MAN2A1: variants seen among roughly 807,000 people sequenced by gnomAD.
MAN2A1 encodes alpha-mannosidase 2.
MAN2A1 carries 76 observed loss-of-function variants against 142.6 expected under a neutral mutation model. The ratio of observed to expected loss-of-function variants is 0.53; its 90% CI spans 0.44 to 0.65. The LOEUF is 0.65. MAN2A1 is among the 30% of genes least tolerant of loss of function. The pLI, the probability that MAN2A1 is intolerant of heterozygous loss-of-function variation, is 0.00. For synonymous variants in MAN2A1, 559 were observed against 473.2 expected (o/e 1.18, Z -2.35); for missense variants, 1,311 against 1,365.1 (o/e 0.96, Z 0.62).
Position 109,730,502 on chromosome 5 carries a change from A to G in MAN2A1, c.707+989A>G, listed in dbSNP as rs112141116. On this transcript the variant is annotated intron_variant, in intron 4 of 21. Transcript: ENST00000261483. Reference sequence around the variant, plus strand: ...TTTCTCCAATCTAGAGGTCAAATAAATAGTGCTTTTTTTCTTCCTAATTTC... The same window carrying G: ...TTTCTCCAATCTAGAGGTCAAATAAGTAGTGCTTTTTTTCTTCCTAATTTC... 9.9e-5 allele frequency among the ~76,000 whole-genome samples: 15 copies of G among 152,072 alleles called. 1 individual carries two copies. The highest frequency in any genetic ancestry group is 3.4e-4 in the African/African-American group (14 of 41,524).
Position 109,690,158 on chromosome 5 carries a change from C to A in MAN2A1, c.-260C>A. The stretch of plus-strand genomic sequence containing the variant: ...TTGCGATCAAGTTTGTGGGGGCCCC[C>A]CTTCCCAGTTGCCGGCGAGTCTCGC... On this transcript the variant is annotated 5_prime_UTR_variant, in exon 1 of 22. Coordinates refer to ENST00000261483, the MANE Select transcript of MAN2A1 (RefSeq NM_002372.4). The A allele has an allele frequency of 2.2e-6, 1 of 445,048 alleles. No homozygotes were observed. The highest frequency in any genetic ancestry group is 4.1e-6 in the Non-Finnish European group (1 of 243,596). The allele number at this position is 445,048 out of a possible 1,614,324, so 27.6% of individuals were successfully genotyped here.
At chr5:109,861,684 A>G (rs370828899) in intron 20 of MAN2A1, among the ~76,000 whole-genome samples, 2 of 152,344 alleles carry the variant, frequency 1.3e-5, no homozygotes, top group African/African-American at 4.8e-5. Flanking sequence ...GCACACAGCC[A>G]GTAATGTGGT....
chr5:109,769,759 TTGAC>T (rs1283174636), intron 6 of MAN2A1, among the ~76,000 whole-genome samples: 1 of 152,198 alleles, frequency 6.6e-6, no homozygotes, highest in Non-Finnish European at 1.5e-5. Flanking sequence ...AAAAGTCCCA[TTGAC>T]TGACTCATTC....
intron 4 of MAN2A1, among the ~76,000 whole-genome samples, chr5:109,747,148 C>T (rs1456087012): frequency 6.6e-6 from 1 of 152,104 alleles, no homozygotes; most frequent in East Asian, 1.9e-4. Flanking sequence ...GTCCAGGTCC[C>T]TTCTTTCCAT....
chr5:109,819,821 T>C lies in MAN2A1; in HGVS notation c.2262T>C (p.Thr754=). The C allele has an allele frequency of 1.9e-6, 3 of 1,611,462 alleles. No individual in the cohort carries two copies. Among genetic ancestry groups the C allele is most frequent in the Non-Finnish European group, 2.5e-6 (3 of 1,178,494 alleles). Residue 754 remains threonine, a synonymous_variant, in exon 14 of 22, where the codon ACT becomes ACC. Coordinates refer to ENST00000261483, the MANE Select transcript of MAN2A1 (RefSeq NM_002372.4). The part of the protein sequence containing the change: ...GIFTIKNMIN[T]EEGITLENSF... ...TCACCATAAAGAATATGATAAATAC[T>C]GAAGAAGGTATAACACTAGAGAACT...
At chr5:109,704,556 CTT>C (rs1751077599) in intron 1 of MAN2A1, among the ~76,000 whole-genome samples, 1 of 152,148 alleles carries the variant, frequency 6.6e-6, no homozygotes, top group Non-Finnish European at 1.5e-5. Context: ...AGTTCACACT[CTT>C]TTTGGCCTCA....
intron 7 of MAN2A1, among the ~76,000 whole-genome samples, chr5:109,771,966 C>A (rs1235265959): frequency 2.0e-5 from 3 of 152,154 alleles, no homozygotes; most frequent in African/African-American, 7.2e-5. Context: ...TTTGCTATGT[C>A]ATCTAACCTT....
chr5:109,847,322 C>G (rs892959540), intron 18 of MAN2A1, among the ~76,000 whole-genome samples: 3 of 152,054 alleles, frequency 2.0e-5, no homozygotes, highest in African/African-American at 7.2e-5. Context: ...CTAAAAGTTT[C>G]GGAGAACTTA....
At chr5:109,778,810 C>T (rs988774601) in intron 8 of MAN2A1, among the ~76,000 whole-genome samples, 2 of 151,976 alleles carry the variant, frequency 1.3e-5, no homozygotes, top group Non-Finnish European at 2.9e-5. Context: ...GTTACTTTGT[C>T]TGAACTGGAA....
At chr5:109,832,161 C>CT (rs70999945) in intron 16 of MAN2A1, among the ~76,000 whole-genome samples, 2,175 of 51,208 alleles carry the variant, frequency 0.042, 81 homozygotes, top group Non-Finnish European at 0.05. Flanking sequence ...AAGGAGTTTT[C>CT]TTTTTTTTTT....
chr5:109,847,714 A>C lies in MAN2A1; in HGVS notation c.2900A>C (p.Glu967Ala). 6.2e-7 allele frequency: 1 copy of C among 1,604,178 alleles called. No individual in the cohort carries two copies. Among genetic ancestry groups the C allele is most frequent in the Non-Finnish European group, 8.5e-7 (1 of 1,175,588 alleles). The change falls in exon 19 of 22, where the codon GAG becomes GCG. Residue 967 changes from glutamate to alanine, a missense_variant. Glu to Ala is a moderately radical substitution (Grantham distance 107). Coordinates refer to ENST00000261483, the MANE Select transcript of MAN2A1 (RefSeq NM_002372.4). Reference sequence around the variant, plus strand: ...ATGCAAGATGATAATCGTGGCCTTGAGCAAGGTATCCAGGATAACAAGATT... The same window carrying C: ...ATGCAAGATGATAATCGTGGCCTTGCGCAAGGTATCCAGGATAACAAGATT... ...RLMQDDNRGL[E>A]QGIQDNKITA...
intron 3 of MAN2A1, among the ~76,000 whole-genome samples, chr5:109,719,996 A>C (rs1751557563): frequency 6.6e-6 from 1 of 152,176 alleles, no homozygotes. Context: ...TAGACCATGA[A>C]ATTAAATGTT....
chr5:109,758,579 T>C (rs1360023782), intron 5 of MAN2A1, among the ~76,000 whole-genome samples: 1 of 151,194 alleles, frequency 6.6e-6, no homozygotes, highest in Non-Finnish European at 1.5e-5. Context: ...TGTTGTTTAA[T>C]CCTGAATTAT....
intron 13 of MAN2A1, 85 bp from the exon 14 acceptor site, chr5:109,819,584 T>C (rs1754565597): frequency 9.4e-6 from 7 of 744,206 alleles, no homozygotes. Flanking sequence ...TATGATAGTT[T>C]GTTGGTTTTA....
chr5:109,767,697 G>T lies in MAN2A1; in HGVS notation c.998G>T (p.Arg333Ile), dbSNP rs765388523. 6.2e-7 allele frequency: 1 copy of T among 1,611,350 alleles called. No homozygotes were observed. Among genetic ancestry groups the T allele is most frequent in the East Asian group, 2.2e-5 (1 of 44,870 alleles). The part of the protein sequence containing the change: ...ALHKTLEFFW[R>I]QNWDLGSVTD... The stretch of plus-strand genomic sequence containing the variant: ...CATAAAACATTGGAGTTTTTTTGGA[G>T]ACAGAATTGGGGTATGTAGGGTTTG... The change falls in exon 6 of 22, where the codon AGA (arginine) becomes ATA (isoleucine). Residue 333 changes from arginine to isoleucine, a missense_variant. Transcript: ENST00000261483.
chr5:109,707,226 C>T (rs1751159686), intron 1 of MAN2A1, among the ~76,000 whole-genome samples: 1 of 152,166 alleles, frequency 6.6e-6, no homozygotes, highest in South Asian at 2.1e-4. Flanking sequence ...CTTTCCTTCC[C>T]ATTCTTACCT....
intron 12 of MAN2A1, among the ~76,000 whole-genome samples, chr5:109,799,784 C>G (rs1470277871): frequency 6.7e-6 from 1 of 149,274 alleles, no homozygotes; most frequent in African/African-American, 2.5e-5. Flanking sequence ...AGAACCAAAT[C>G]ACAACAAAAA....
intron 4 of MAN2A1, among the ~76,000 whole-genome samples, chr5:109,730,571 C>T (rs1751876004): frequency 6.7e-6 from 1 of 149,408 alleles, no homozygotes; most frequent in Non-Finnish European, 1.5e-5. Flanking sequence ...AAAAAAAATA[C>T]GTTACGATGG....
intron 1 of MAN2A1, among the ~76,000 whole-genome samples, chr5:109,710,990 G>A (rs1167443356): frequency 1.3e-5 from 2 of 151,718 alleles, no homozygotes; most frequent in East Asian, 3.9e-4. Flanking sequence ...GCGCTCAGCC[G>A]CTAATTTTTG....
Sources: gnomAD v4.1 joint callset for allele counts (sites outside exome capture counted in the v4.1 genomes callset) on GRCh38, gnomAD v4.1.1 for gene constraint, MANE v1.5 for transcripts, NCBI Gene and HGNC (gene_info 2026-07-23, HGNC 2026-07-21) for gene names.